The following PLEKHA7 variants were observed in gnomAD, a reference collection of about 807,000 sequenced individuals.
PLEKHA7 encodes the protein pleckstrin homology domain containing A7.
In PLEKHA7, 104 loss-of-function variants were observed where a neutral mutation model predicts 170.0. The ratio of observed to expected loss-of-function variants is 0.61; its 90% CI spans 0.52 to 0.72. The LOEUF (loss-of-function observed/expected upper bound fraction) is 0.72, where lower values mean the gene tolerates loss of function less well. Among genes scored for constraint, PLEKHA7 ranks in the 30% least tolerant of loss-of-function variants. The pLI, the probability that PLEKHA7 is intolerant of heterozygous loss-of-function variation, is 0.00. For missense variants in PLEKHA7, 1,615 were observed against 1,671.7 expected, an observed-to-expected ratio of 0.97 and a Z score of 0.59; for synonymous variants, 648 against 660.8, an observed-to-expected ratio of 0.98 and a Z score of 0.30.
At chr11:16,998,233 C>A in intron 3 of PLEKHA7, among the ~76,000 whole-genome samples, 1 of 152,196 alleles carries the variant, frequency 6.6e-6, no homozygotes, top group East Asian at 1.9e-4. Flanking sequence ...AGTGTGAGAG[C>A]CTCACAGCCC....
At chr11:16,803,174 G>A (rs556071303) in intron 14 of PLEKHA7, 53 bp downstream of exon 14, 13 of 1,580,870 alleles carry the variant, frequency 8.2e-6, no homozygotes, top group South Asian at 1.1e-5. Flanking sequence ...TGTTCACCCG[G>A]GGTCTGGGTC....
chr11:16,795,122 C>T (rs574999645), intron 17 of PLEKHA7, 104 bp from the exon 18 acceptor site: 6 of 819,968 alleles, frequency 7.3e-6, no homozygotes, highest in African/African-American at 6.8e-5. Flanking sequence ...TGAGGGGCAG[C>T]ATCCCCTCTG....
chr11:16,892,771 A>G (rs941943348), intron 3 of PLEKHA7, among the ~76,000 whole-genome samples: 1 of 152,032 alleles, frequency 6.6e-6, no homozygotes, highest in Non-Finnish European at 1.5e-5. Context: ...GTGCCCAGCC[A>G]GGAATCTTAA....
chr11:16,811,605 G>C (rs958088770), intron 13 of PLEKHA7, among the ~76,000 whole-genome samples: 3 of 152,174 alleles, frequency 2.0e-5, no homozygotes, highest in Non-Finnish European at 4.4e-5. Flanking sequence ...AGCTATGCTT[G>C]AGCATTTTGA....
At chr11:16,853,804 G>A (rs1853190146) in intron 6 of PLEKHA7, among the ~76,000 whole-genome samples, 1 of 152,208 alleles carries the variant, frequency 6.6e-6, no homozygotes, top group South Asian at 2.1e-4. Context: ...GTGTCCAACA[G>A]AAGAGGCCGG....
intron 4 of PLEKHA7, among the ~76,000 whole-genome samples, chr11:16,863,146 C>G (rs1854106883): frequency 6.6e-6 from 1 of 152,094 alleles, no homozygotes; most frequent in African/African-American, 2.4e-5. Flanking sequence ...CGCCCCCGAA[C>G]CCATAATCAG....
At chr11:16,855,317 G>C (rs1853345963) in intron 5 of PLEKHA7, among the ~76,000 whole-genome samples, 1 of 152,164 alleles carries the variant, frequency 6.6e-6, no homozygotes, top group South Asian at 2.1e-4. Context: ...TTTGGTCACA[G>C]CTTTTTGCCA....
chr11:16,933,602 G>A (rs576947323), intron 3 of PLEKHA7, among the ~76,000 whole-genome samples: 1 of 152,308 alleles, frequency 6.6e-6, no homozygotes, highest in African/African-American at 2.4e-5. Flanking sequence ...GAATAAGCCT[G>A]GGAGAAGTAC....
chr11:16,779,145 G>A (rs897411294), intron 26 of PLEKHA7, 125 bp from the exon 27 acceptor site: 5 of 683,560 alleles, frequency 7.3e-6, no homozygotes, highest in South Asian at 4.5e-5. Context: ...CTGGCAATGC[G>A]GCCGCTGCTG....
chr11:16,888,553 G>C (rs1377741404), intron 3 of PLEKHA7, among the ~76,000 whole-genome samples: 12 of 143,288 alleles, frequency 8.4e-5, no homozygotes, highest in East Asian at 2.0e-4. Context: ...CCCCAACCCC[G>C]TGCTCTCTGA....
chr11:16,954,840 G>A (rs944398838), intron 3 of PLEKHA7, among the ~76,000 whole-genome samples: 6 of 151,782 alleles, frequency 4.0e-5, no homozygotes, highest in African/African-American at 7.3e-5. Flanking sequence ...GCAGGCACCC[G>A]CCACCACACC....
At chr11:16,938,412 A>AT (rs1860457845) in intron 3 of PLEKHA7, among the ~76,000 whole-genome samples, 1 of 151,736 alleles carries the variant, frequency 6.6e-6, no homozygotes, top group African/African-American at 2.4e-5. Context: ...CCTTGTGCTC[A>AT]TTTTTTTCTC....
At chr11:16,821,987 G>A (rs181329935) in intron 10 of PLEKHA7, among the ~76,000 whole-genome samples, 5 of 150,512 alleles carry the variant, frequency 3.3e-5, no homozygotes, top group Admixed American at 1.3e-4. Flanking sequence ...CCTTAGATAA[G>A]AATGGCTCAA....
At chr11:16,997,501 G>A (rs1451668786) in intron 3 of PLEKHA7, among the ~76,000 whole-genome samples, 1 of 152,146 alleles carries the variant, frequency 6.6e-6, no homozygotes, top group Non-Finnish European at 1.5e-5. Flanking sequence ...TCCTCTCTCA[G>A]ACCCCAGAAA....
At position 16,817,761 on chromosome 11, in the gene PLEKHA7, T is replaced by G. The variant is rs761092395; in HGVS notation, c.1344-439A>C. On this transcript the variant is annotated intron_variant, in intron 10 of 26. Coordinates refer to ENST00000531066, the MANE Select transcript of PLEKHA7 (RefSeq NM_001329630.2). This position sits in a 1 kb window ranked among gnomAD's most constrained non-coding sequence, Gnocchi z 4.4. ...TGGTTGGCATCAGTTCTCTTTTTTCTGGACTCTTCTAGTCCAGATACTGAT... is the reference window on the plus strand; with the variant it reads ...TGGTTGGCATCAGTTCTCTTTTTTCGGGACTCTTCTAGTCCAGATACTGAT... Among the ~76,000 whole-genome samples the G allele has an allele frequency of 1.3e-5, 2 of 152,220 alleles. No homozygotes were observed. Among genetic ancestry groups the G allele is most frequent in the Non-Finnish European group, 2.9e-5 (2 of 68,038 alleles).
At chr11:16,828,445 C>G (rs1850834064) in intron 9 of PLEKHA7, among the ~76,000 whole-genome samples, 1 of 152,196 alleles carries the variant, frequency 6.6e-6, no homozygotes, top group Admixed American at 6.5e-5. Context: ...AATTAAACCT[C>G]TTTCCTTTAT....
chr11:16,855,962 T>C (rs756992891), intron 4 of PLEKHA7, 48 bp from the exon 5 acceptor site: 14 of 1,452,926 alleles, frequency 9.6e-6, no homozygotes, highest in African/African-American at 1.4e-5. Context: ...AGCTATAGAG[T>C]AGGAAGTGCA....
intron 10 of PLEKHA7, among the ~76,000 whole-genome samples, chr11:16,820,656 T>C (rs1850141061): frequency 6.6e-6 from 1 of 152,132 alleles, no homozygotes; most frequent in South Asian, 2.1e-4. Flanking sequence ...TGCAAAGCAT[T>C]TCAGAGCTGT....
chr11:16,796,848 G>A (rs1848264839), intron 17 of PLEKHA7, among the ~76,000 whole-genome samples: 2 of 152,002 alleles, frequency 1.3e-5, no homozygotes, highest in Non-Finnish European at 2.9e-5. Context: ...TTCAGTTTTT[G>A]TAGAGACAGG....
Sources: allele counts gnomAD v4.1 joint callset (sites outside exome capture counted in the v4.1 genomes callset), GRCh38; gene constraint gnomAD v4.1.1; non-coding constraint Gnocchi (gnomAD v3.1); transcripts MANE v1.5; gene names NCBI Gene and HGNC (gene_info 2026-07-23, HGNC 2026-07-21).